The following PTPRD variants were observed in gnomAD, a reference collection of about 807,000 sequenced individuals.
PTPRD encodes receptor-type tyrosine-protein phosphatase delta.
PTPRD carries 34 observed loss-of-function variants against 214.5 expected under a neutral mutation model. The ratio of observed to expected loss-of-function variants is 0.16; its 90% CI spans 0.12 to 0.21. The LOEUF (loss-of-function observed/expected upper bound fraction) is 0.21. Ranked by LOEUF, PTPRD falls within the 10% of genes least tolerant of loss-of-function variation. PTPRD has a pLI of 1.00. For synonymous variants in PTPRD, 1,128 were observed against 845.7 expected (o/e 1.33, Z -5.79); for missense variants, 2,545 against 2,398.7 (o/e 1.06, Z -1.27).
chr9:8,485,788 T>A lies in PTPRD; in HGVS notation c.3029A>T (p.Gln1010Leu). The A allele has an allele frequency of 6.2e-7, 1 of 1,613,412 alleles. No individual in the cohort carries two copies. The highest frequency in any genetic ancestry group is 8.5e-7 in the Non-Finnish European group (1 of 1,179,804). ...TTGATCCACAGGCAGTGTCCTGAAC[T>A]GGACACTGGGACTATATGGCCCGGG... is the stretch of plus-strand genomic sequence containing the variant. ...KGPGPYSPSV[Q>L]FRTLPVDQVF... Residue 1010 changes from glutamine (Q) to leucine (L), a missense_variant, in exon 28 of 46, where the codon CAG (glutamine) becomes CTG (leucine). Coordinates refer to ENST00000381196, the MANE Select transcript of PTPRD (RefSeq NM_002839.4).
intron 9 of PTPRD, among the ~76,000 whole-genome samples, chr9:9,376,175 T>A (rs1481687031): frequency 6.6e-6 from 1 of 152,102 alleles, no homozygotes; most frequent in Non-Finnish European, 1.5e-5. Flanking sequence ...TTGTGTTGAG[T>A]GTATGGGCTT....
chr9:10,285,161 G>T (rs1342532375), intron 3 of PTPRD, among the ~76,000 whole-genome samples: 1 of 152,086 alleles, frequency 6.6e-6, no homozygotes, highest in East Asian at 1.9e-4. Context: ...AGGGTCCTAA[G>T]TTAAAATGTA....
intron 2 of PTPRD, among the ~76,000 whole-genome samples, chr9:10,438,538 C>T (rs1467609204): frequency 6.6e-6 from 1 of 151,576 alleles, no homozygotes; most frequent in Non-Finnish European, 1.5e-5. Flanking sequence ...TTTGTTTCCG[C>T]CACTCCCAAG....
At chr9:10,310,405 T>A (rs1341519829) in intron 3 of PTPRD, among the ~76,000 whole-genome samples, 7 of 151,834 alleles carry the variant, frequency 4.6e-5, no homozygotes, top group Admixed American at 2.6e-4. Flanking sequence ...AGAAAAAAAA[T>A]TCAACGTTAT....
At chr9:9,518,067 G>T (rs919524312) in intron 8 of PTPRD, among the ~76,000 whole-genome samples, 1 of 151,950 alleles carries the variant, frequency 6.6e-6, no homozygotes, top group Non-Finnish European at 1.5e-5. Flanking sequence ...TACTTTTATA[G>T]TTGTGAAGTA....
At chr9:8,799,577 G>C (rs1234434755) in intron 11 of PTPRD, among the ~76,000 whole-genome samples, 6 of 152,188 alleles carry the variant, frequency 3.9e-5, no homozygotes, top group African/African-American at 1.4e-4. Flanking sequence ...AAGGAAGTTT[G>C]TTGTTATTTC....
chr9:10,396,555 G>C (rs1397050976), intron 2 of PTPRD, among the ~76,000 whole-genome samples: 1 of 151,922 alleles, frequency 6.6e-6, no homozygotes, highest in Admixed American at 6.6e-5. Flanking sequence ...TAATCCCTCT[G>C]CCAGATTCTG....
intron 8 of PTPRD, among the ~76,000 whole-genome samples, chr9:9,458,367 C>A (rs111642568): frequency 6.6e-6 from 1 of 151,726 alleles, no homozygotes; most frequent in African/African-American, 2.4e-5. Context: ...TAGTATAAAA[C>A]GTTTATTTTT....
chr9:9,529,651 G>C (rs894454305), intron 8 of PTPRD, among the ~76,000 whole-genome samples: 7 of 151,888 alleles, frequency 4.6e-5, no homozygotes, highest in Non-Finnish European at 7.4e-5. Flanking sequence ...TTTTACTGAA[G>C]ATAAACAGCA....
intron 14 of PTPRD, among the ~76,000 whole-genome samples, chr9:8,555,638 T>A (rs889402328): frequency 1.3e-5 from 2 of 152,184 alleles, no homozygotes; most frequent in Non-Finnish European, 2.9e-5. Flanking sequence ...CCTTTGGACA[T>A]CTCTCCAAAA....
At chr9:9,925,403 G>T (rs1035745462) in intron 5 of PTPRD, among the ~76,000 whole-genome samples, 1 of 152,048 alleles carries the variant, frequency 6.6e-6, no homozygotes, top group Non-Finnish European at 1.5e-5. Flanking sequence ...ACTGCTGAAT[G>T]TTTGGTATTT....
intron 3 of PTPRD, among the ~76,000 whole-genome samples, chr9:10,210,117 A>T (rs2154340784): frequency 6.6e-6 from 1 of 152,336 alleles, no homozygotes; most frequent in East Asian, 1.9e-4. Context: ...AATTAAAAAA[A>T]TTTCAACTGA....
rs552710521 is a variant in PTPRD, at chr9:9,257,144, A to G, written c.-202-73781T>C. On this transcript the variant is annotated intron_variant, in intron 9 of 45. Coordinates refer to ENST00000381196, the MANE Select transcript of PTPRD (RefSeq NM_002839.4). ...GGGCACCTAGAGATGATCTAGTAAAATCTCCTCTTTTGTGGGGGGTAGAAA... is the reference window on the plus strand; with the variant it reads ...GGGCACCTAGAGATGATCTAGTAAAGTCTCCTCTTTTGTGGGGGGTAGAAA... Among the ~76,000 whole-genome samples, 13 of 151,988 alleles carry G rather than the reference A, an allele frequency of 8.6e-5. No homozygotes were observed. The South Asian group carries it at 2.5e-3, about 29-fold the overall frequency.
At chr9:9,681,202 A>C (rs9644897) in intron 7 of PTPRD, among the ~76,000 whole-genome samples, 46,373 of 151,646 alleles carry the variant, frequency 0.31, 7,436 homozygotes, top group Admixed American at 0.45. Flanking sequence ...TTATATTTTC[A>C]AAGTATCTTA....
At chr9:9,065,621 G>C (rs1052129235) in intron 10 of PTPRD, among the ~76,000 whole-genome samples, 5 of 152,138 alleles carry the variant, frequency 3.3e-5, no homozygotes, top group Admixed American at 6.5e-5. Context: ...TCTCACCATG[G>C]GAGAAAATAC....
intron 8 of PTPRD, among the ~76,000 whole-genome samples, chr9:9,402,978 A>ACAAAC (rs1432499050): frequency 3.5e-5 from 5 of 144,622 alleles, no homozygotes; most frequent in African/African-American, 1.3e-4. Context: ...AAAAAAAAAA[A>ACAAAC]AAAAAAAAAA....
intron 7 of PTPRD, among the ~76,000 whole-genome samples, chr9:9,582,805 A>G (rs2091118106): frequency 6.6e-6 from 1 of 152,088 alleles, no homozygotes; most frequent in South Asian, 2.1e-4. Flanking sequence ...ACGTGTTAGT[A>G]TATATTAGGA....
chr9:10,428,051 C>T (rs951423981), intron 2 of PTPRD, among the ~76,000 whole-genome samples: 2 of 151,990 alleles, frequency 1.3e-5, no homozygotes, highest in Admixed American at 1.3e-4. Context: ...CACGGTGGCT[C>T]ACACCTGTAA....
intron 11 of PTPRD, among the ~76,000 whole-genome samples, chr9:8,947,506 G>A (rs1366956257): frequency 1.3e-5 from 2 of 151,146 alleles, no homozygotes; most frequent in Admixed American, 1.3e-4. Context: ...AAGTTACTAT[G>A]GTAAGGTCTG....
Sources: allele counts gnomAD v4.1 joint callset (sites outside exome capture counted in the v4.1 genomes callset), GRCh38; gene constraint gnomAD v4.1.1; transcripts MANE v1.5; gene names NCBI Gene and HGNC (gene_info 2026-07-23, HGNC 2026-07-21).